LINGO2: variants seen among roughly 807,000 people sequenced by gnomAD.
LINGO2 encodes leucine-rich repeat and immunoglobulin-like domain-containing nogo receptor-interacting protein 2.
LINGO2 carries 14 observed loss-of-function variants against 30.6 expected under a neutral mutation model. That is an observed-to-expected ratio of 0.46 (90% CI 0.30 to 0.72). The LOEUF (loss-of-function observed/expected upper bound fraction) is 0.72, where lower values mean the gene tolerates loss of function less well. Among genes scored for constraint, LINGO2 ranks in the 30% least tolerant of loss-of-function variants. LINGO2 has a pLI of 0.07. For synonymous variants in LINGO2, 317 were observed against 288.5 expected (o/e 1.10, Z -1.00); for missense variants, 729 against 751.7 (o/e 0.97, Z 0.35).
At chr9:28,620,752 C>G (rs1020895272) in intron 1 of LINGO2, among the ~76,000 whole-genome samples, 1 of 151,998 alleles carries the variant, frequency 6.6e-6, no homozygotes, top group African/African-American at 2.4e-5. Flanking sequence ...CACATGTTCT[C>G]TGTTATAAGT....
chr9:28,284,666 A>G (rs543764375), intron 4 of LINGO2, among the ~76,000 whole-genome samples: 22 of 152,304 alleles, frequency 1.4e-4, no homozygotes, highest in African/African-American at 5.3e-4. Context: ...CTATGAGTGT[A>G]CTTCAAGGTA....
the LINGO2 span, among the ~76,000 whole-genome samples, chr9:29,183,255 CAAAG>C: frequency 3.9e-5 from 6 of 152,098 alleles, no homozygotes; most frequent in Non-Finnish European, 7.4e-5. Context: ...ATTATTTACC[CAAAG>C]AAATATCCTT....
intron 4 of LINGO2, among the ~76,000 whole-genome samples, chr9:28,038,980 T>C (rs755174585): frequency 6.6e-6 from 1 of 152,236 alleles, no homozygotes; most frequent in Non-Finnish European, 1.5e-5. Context: ...AGGTCTACAA[T>C]TCTTTTTGAT....
intron 3 of LINGO2, among the ~76,000 whole-genome samples, chr9:28,349,517 G>A (rs1372161474): frequency 1.9e-4 from 22 of 115,760 alleles, no homozygotes; most frequent in Non-Finnish European, 2.7e-4. Context: ...CCAAATCTAC[G>A]TCTGATTGGT....
At chr9:28,174,199 C>T (rs963842239) in intron 4 of LINGO2, among the ~76,000 whole-genome samples, 1 of 152,090 alleles carries the variant, frequency 6.6e-6, no homozygotes, top group East Asian at 1.9e-4. Flanking sequence ...GTATGAGCTG[C>T]GACATTTCTA....
At chr9:28,520,335 A>C (rs1335572998) in intron 1 of LINGO2, among the ~76,000 whole-genome samples, 1 of 152,118 alleles carries the variant, frequency 6.6e-6, no homozygotes, top group African/African-American at 2.4e-5. Context: ...CTAGTTTATT[A>C]AGAATTTTTT....
intron 1 of LINGO2, among the ~76,000 whole-genome samples, chr9:28,500,713 T>C (rs563489270): frequency 2.6e-5 from 4 of 152,158 alleles, no homozygotes; most frequent in African/African-American, 9.6e-5. Flanking sequence ...ATGGAAGAGA[T>C]GATTTTTTAA....
At chr9:29,052,316 T>C in the LINGO2 span, among the ~76,000 whole-genome samples, 2 of 152,166 alleles carry the variant, frequency 1.3e-5, no homozygotes, top group African/African-American at 4.8e-5. Flanking sequence ...TATACCAGCA[T>C]AAACAATTTT....
chr9:28,260,503 C>T (rs1822528171), intron 4 of LINGO2, among the ~76,000 whole-genome samples: 1 of 151,826 alleles, frequency 6.6e-6, no homozygotes, highest in East Asian at 1.9e-4. Context: ...CATGAATATT[C>T]AGTCTTGTGA....
At chr9:27,999,983 G>T (rs1011044618) in intron 5 of LINGO2, among the ~76,000 whole-genome samples, 1 of 152,116 alleles carries the variant, frequency 6.6e-6, no homozygotes, top group Non-Finnish European at 1.5e-5. Flanking sequence ...TCAAATAATT[G>T]TTGTTACGGT....
chr9:28,373,919 A>T (rs1331535419), intron 2 of LINGO2, among the ~76,000 whole-genome samples: 3 of 148,402 alleles, frequency 2.0e-5, no homozygotes, highest in Non-Finnish European at 4.5e-5. Context: ...AAAAAAAAAG[A>T]TATGGATTCA....
At chr9:29,178,295 G>C in the LINGO2 span, among the ~76,000 whole-genome samples, 1 of 151,858 alleles carries the variant, frequency 6.6e-6, no homozygotes, top group Non-Finnish European at 1.5e-5. Flanking sequence ...ACCTCAAGTA[G>C]TCTGCCCACC....
At chr9:28,540,364 G>A (rs774318782) in intron 1 of LINGO2, among the ~76,000 whole-genome samples, 9 of 151,796 alleles carry the variant, frequency 5.9e-5, no homozygotes, top group African/African-American at 1.4e-4. Context: ...AGGCTCAGGC[G>A]TTCCTCCCAT....
the LINGO2 span, among the ~76,000 whole-genome samples, chr9:28,920,848 A>C: frequency 6.6e-6 from 1 of 152,194 alleles, no homozygotes; most frequent in Admixed American, 6.5e-5. Context: ...AAAATTTGTT[A>C]GCAGGTCACT....
chr9:28,581,803 A>C (rs933890176), intron 1 of LINGO2, among the ~76,000 whole-genome samples: 2 of 151,934 alleles, frequency 1.3e-5, no homozygotes, highest in African/African-American at 2.4e-5. Context: ...TTCTAATGTA[A>C]AGTTACTTCT....
chr9:28,433,937 CTCTCTCTCTCTCTA>C (rs1823791798), intron 2 of LINGO2, among the ~76,000 whole-genome samples: 1 of 50,398 alleles, frequency 2.0e-5, no homozygotes, highest in African/African-American at 5.5e-5. Flanking sequence ...CTCTCTCTCT[CTCTCTCTCTCTCTA>C]TATATATATA....
the LINGO2 span, among the ~76,000 whole-genome samples, chr9:29,143,309 G>GA: frequency 9.2e-5 from 14 of 151,698 alleles, no homozygotes; most frequent in Admixed American, 2.0e-4. Context: ...TGCAAAAATG[G>GA]AAAAAAATTC....
At chr9:28,386,270 A>G (rs7865098) in intron 2 of LINGO2, among the ~76,000 whole-genome samples, 122,845 of 152,120 alleles carry the variant, frequency 0.81, 50,190 homozygotes, top group Middle Eastern at 0.9. Flanking sequence ...AGAGAGGCAA[A>G]CTTTCTAGCT....
At chr9:28,613,936 C>CA (rs1826027900) in intron 1 of LINGO2, among the ~76,000 whole-genome samples, 1 of 147,792 alleles carries the variant, frequency 6.8e-6, no homozygotes, top group Non-Finnish European at 1.5e-5. Context: ...AATTCCATAT[C>CA]GTTTTTCATA....
Sources: allele counts gnomAD v4.1 joint callset (sites outside exome capture counted in the v4.1 genomes callset), GRCh38; gene constraint gnomAD v4.1.1; transcripts MANE v1.5; gene names NCBI Gene and HGNC (gene_info 2026-07-23, HGNC 2026-07-21).